Variants in ADGRB3 observed in about 807,000 individuals in gnomAD.
The protein encoded by ADGRB3 is brain-specific angiogenesis inhibitor 3.
A neutral mutation model predicts 193.4 loss-of-function variants in ADGRB3; 37 were observed. The ratio of observed to expected loss-of-function variants is 0.19; its 90% CI spans 0.15 to 0.25. The LOEUF (loss-of-function observed/expected upper bound fraction) is 0.25. Ranked by LOEUF, ADGRB3 falls within the 10% of genes least tolerant of loss-of-function variation. ADGRB3 has a pLI of 1.00. For synonymous variants in ADGRB3, 690 were observed against 644.2 expected (o/e 1.07, Z -1.08); for missense variants, 1,637 against 1,852.9 (o/e 0.88, Z 2.14).
intron 17 of ADGRB3, among the ~76,000 whole-genome samples, chr6:69,202,539 G>T (rs990252249): frequency 6.6e-6 from 1 of 152,010 alleles, no homozygotes; most frequent in East Asian, 1.9e-4. Flanking sequence ...ACTTGCACCT[G>T]CAATATTAAT....
At chr6:68,692,897 C>T (rs900575977) in intron 3 of ADGRB3, among the ~76,000 whole-genome samples, 2 of 151,124 alleles carry the variant, frequency 1.3e-5, no homozygotes, top group East Asian at 3.9e-4. Flanking sequence ...GCTGGCTACA[C>T]AAATGCTATA....
At chr6:68,788,490 T>C (rs1026601688) in intron 3 of ADGRB3, among the ~76,000 whole-genome samples, 1 of 152,214 alleles carries the variant, frequency 6.6e-6, no homozygotes, top group Non-Finnish European at 1.5e-5. Flanking sequence ...AATCCTGAGT[T>C]CTAGTTTGAT....
chr6:69,005,853 T>C (rs890558685), intron 11 of ADGRB3, among the ~76,000 whole-genome samples: 4 of 152,186 alleles, frequency 2.6e-5, no homozygotes, highest in Admixed American at 2.6e-4. Context: ...TTTTTGACTC[T>C]AGATCATATT....
chr6:68,641,913 T>C (rs1435439708), intron 3 of ADGRB3, among the ~76,000 whole-genome samples: 6 of 152,042 alleles, frequency 3.9e-5, no homozygotes, highest in Non-Finnish European at 8.8e-5. Flanking sequence ...TAAACTACCA[T>C]ATAATGACAT....
At chr6:69,308,969 C>T (rs1303444183) in intron 20 of ADGRB3, among the ~76,000 whole-genome samples, 1 of 151,612 alleles carries the variant, frequency 6.6e-6, no homozygotes, top group African/African-American at 2.4e-5. Flanking sequence ...TATTCTGGTG[C>T]CCCATGTGCC....
intron 24 of ADGRB3, among the ~76,000 whole-genome samples, chr6:69,335,293 T>C (rs1768822509): frequency 6.6e-6 from 1 of 152,074 alleles, no homozygotes. Context: ...AATTTAGAAA[T>C]TATCCATTCC....
intron 3 of ADGRB3, among the ~76,000 whole-genome samples, chr6:68,852,316 T>G (rs2127391431): frequency 6.6e-6 from 1 of 152,054 alleles, no homozygotes; most frequent in East Asian, 1.9e-4. Flanking sequence ...GAAAGCATTT[T>G]TGTAATTGGG....
intron 3 of ADGRB3, among the ~76,000 whole-genome samples, chr6:68,772,232 G>A (rs1444990028): frequency 6.6e-6 from 1 of 152,082 alleles, no homozygotes; most frequent in East Asian, 1.9e-4. Flanking sequence ...CACAAGGAAA[G>A]GTAGGTGATA....
chr6:68,721,258 A>AGTCCAAC (rs1765571582), intron 3 of ADGRB3, among the ~76,000 whole-genome samples: 1 of 151,936 alleles, frequency 6.6e-6, no homozygotes, highest in Non-Finnish European at 1.5e-5. Context: ...TGGATTAAGA[A>AGTCCAAC]AATGTGGCAC....
chr6:69,081,758 A>C (rs1772392752), intron 17 of ADGRB3, among the ~76,000 whole-genome samples: 1 of 152,048 alleles, frequency 6.6e-6, no homozygotes, highest in Admixed American at 6.6e-5. Flanking sequence ...TAGTTTCTTA[A>C]AGGTGTATTA....
intron 3 of ADGRB3, among the ~76,000 whole-genome samples, chr6:68,831,924 C>G (rs1383144329): frequency 6.6e-6 from 1 of 152,124 alleles, no homozygotes. Flanking sequence ...TTGACTCACA[C>G]GACAATGATC....
intron 17 of ADGRB3, among the ~76,000 whole-genome samples, chr6:69,127,105 T>A (rs1283807657): frequency 6.6e-6 from 1 of 152,166 alleles, no homozygotes; most frequent in South Asian, 2.1e-4. Context: ...CATGGGGATA[T>A]GTGTTCAACA....
In ADGRB3 at chr6:68,737,467, A is replaced by G. The variant is rs909319823; in HGVS notation, c.757+98035A>G. ...TTGTTTCTCAATAATAAGTGTTTTGATTCCTTTGAGCTGGAATCAGAATTG... is the reference window on the plus strand; with the variant it reads ...TTGTTTCTCAATAATAAGTGTTTTGGTTCCTTTGAGCTGGAATCAGAATTG... On this transcript the variant is annotated intron_variant, in intron 3 of 31. Coordinates refer to ENST00000370598, the MANE Select transcript of ADGRB3 (RefSeq NM_001704.3). Among the ~76,000 whole-genome samples, 6 of 152,178 alleles carry G rather than the reference A, an allele frequency of 3.9e-5. No individual in the cohort carries two copies. In the East Asian group the frequency reaches 9.7e-4, roughly 25 times the overall value.
intron 17 of ADGRB3, among the ~76,000 whole-genome samples, chr6:69,228,111 G>A (rs1453335161): frequency 6.6e-6 from 1 of 152,104 alleles, no homozygotes; most frequent in Non-Finnish European, 1.5e-5. Flanking sequence ...CAAAAAATGA[G>A]CCGGGTGCAG....
chr6:69,048,612 G>A (rs771620592), intron 14 of ADGRB3, among the ~76,000 whole-genome samples: 2 of 152,006 alleles, frequency 1.3e-5, no homozygotes, highest in Non-Finnish European at 2.9e-5. Flanking sequence ...TTTTATACCC[G>A]TATAAAGCAT....
chr6:69,306,606 C>T (rs950339799), intron 20 of ADGRB3, among the ~76,000 whole-genome samples: 11 of 151,620 alleles, frequency 7.3e-5, no homozygotes, highest in African/African-American at 2.7e-4. Flanking sequence ...CAGCAGTTTA[C>T]TCATTTGCTT....
chr6:68,836,374 G>A (rs879427068), intron 3 of ADGRB3, among the ~76,000 whole-genome samples: 1 of 151,938 alleles, frequency 6.6e-6, no homozygotes, highest in Non-Finnish European at 1.5e-5. Flanking sequence ...TCCGTAATCT[G>A]TTTTCCTAGA....
chr6:69,043,060 G>T (rs1368611158), intron 13 of ADGRB3, among the ~76,000 whole-genome samples: 2 of 152,008 alleles, frequency 1.3e-5, no homozygotes, highest in East Asian at 3.9e-4. Context: ...GCAGTTTATG[G>T]TCTTGGCTGC....
intron 28 of ADGRB3, among the ~76,000 whole-genome samples, chr6:69,356,108 A>C (rs6907374): frequency 0.14 from 21,273 of 151,830 alleles, 1,607 homozygotes; most frequent in Middle Eastern, 0.24. Context: ...GGGCAGCAGC[A>C]AGACAGATAG....
Sources: gnomAD v4.1 joint callset for allele counts (sites outside exome capture counted in the v4.1 genomes callset) on GRCh38, gnomAD v4.1.1 for gene constraint, MANE v1.5 for transcripts, NCBI Gene and HGNC (gene_info 2026-07-23, HGNC 2026-07-21) for gene names.